Variants in LAMC1 observed in about 807,000 individuals in gnomAD.
LAMC1 encodes laminin subunit gamma 1, also known as laminin subunit gamma-1.
LAMC1 carries 38 observed loss-of-function variants against 173.6 expected under a neutral mutation model. The ratio of observed to expected loss-of-function variants is 0.22; its 90% CI spans 0.17 to 0.29. The LOEUF is 0.29. Among genes scored for constraint, LAMC1 ranks in the 10% least tolerant of loss-of-function variants. LAMC1 has a pLI of 1.00. For synonymous variants in LAMC1, 746 were observed against 749.1 expected, an observed-to-expected ratio of 1.00 and a Z score of 0.07; for missense variants, 1,824 against 2,051.8, an observed-to-expected ratio of 0.89 and a Z score of 2.14.
intron 1 of LAMC1, among the ~76,000 whole-genome samples, chr1:183,053,237 G>C (rs1446423604): frequency 2.0e-5 from 3 of 152,128 alleles, no homozygotes; most frequent in African/African-American, 7.2e-5. Context: ...ATTTTCCCCA[G>C]ATATTTTCGA....
At chr1:183,087,290 G>T (rs1002491236) in intron 1 of LAMC1, among the ~76,000 whole-genome samples, 22 of 152,126 alleles carry the variant, frequency 1.4e-4, no homozygotes, top group African/African-American at 5.1e-4. Flanking sequence ...CTTCTATTGG[G>T]TTGCTGCTTA....
chr1:183,122,763 G>A (rs1382853733), intron 13 of LAMC1, among the ~76,000 whole-genome samples: 1 of 152,160 alleles, frequency 6.6e-6, no homozygotes, highest in Non-Finnish European at 1.5e-5. Flanking sequence ...GGAGGAGGGT[G>A]AGGACAGAGT....
At chr1:183,032,570 G>A (rs1408914068) in intron 1 of LAMC1, among the ~76,000 whole-genome samples, 1 of 151,882 alleles carries the variant, frequency 6.6e-6, no homozygotes, top group African/African-American at 2.4e-5. Context: ...TGCCTAAGCT[G>A]GAAGTGCAGC....
chr1:183,046,904 C>T (rs551566307), intron 1 of LAMC1, among the ~76,000 whole-genome samples: 1 of 152,174 alleles, frequency 6.6e-6, no homozygotes, highest in Admixed American at 6.5e-5. Flanking sequence ...TAAAGTTTAT[C>T]TCTTTTATAA....
chr1:183,120,871 A>G (rs893482045), intron 11 of LAMC1, among the ~76,000 whole-genome samples: 24 of 152,246 alleles, frequency 1.6e-4, no homozygotes, highest in African/African-American at 5.8e-4. Flanking sequence ...GAGGGCAGAA[A>G]TTATGTAACC....
chr1:183,142,957 A>G lies in LAMC1; in HGVS notation c.*167A>G, dbSNP rs1482882485. 7.5e-6 allele frequency: 5 copies of G among 662,762 alleles called. No homozygotes were observed. Among genetic ancestry groups the G allele is most frequent in the Non-Finnish European group, 1.0e-5 (4 of 401,190 alleles). 41.1% of individuals were successfully genotyped at this position (662,762 alleles called of 1,614,324 possible). A position where few individuals can be genotyped will look rare whatever the true frequency, so the allele number is the denominator to read the frequency against. On this transcript the variant is annotated 3_prime_UTR_variant, in exon 28 of 28. Coordinates refer to ENST00000258341, the MANE Select transcript of LAMC1 (RefSeq NM_002293.4). ...CACAGAGTTTAAAGAGAAGCAAATTAAACATCCTGAATCGGGAACAAAGGG... is the reference window on the plus strand; with the variant it reads ...CACAGAGTTTAAAGAGAAGCAAATTGAACATCCTGAATCGGGAACAAAGGG...
At chr1:183,102,552 A>G (rs963308828) in intron 1 of LAMC1, among the ~76,000 whole-genome samples, 1 of 152,236 alleles carries the variant, frequency 6.6e-6, no homozygotes. Context: ...CTGGCAACCA[A>G]GCCATCCTGA....
intron 24 of LAMC1, among the ~76,000 whole-genome samples, 159 bp from the exon 25 acceptor site, chr1:183,136,227 G>A (rs921099119): frequency 1.3e-5 from 2 of 152,316 alleles, no homozygotes; most frequent in East Asian, 3.9e-4. Flanking sequence ...GACCTATTCT[G>A]TAGAGATGTG....
At chr1:183,034,893 A>G (rs1322593414) in intron 1 of LAMC1, among the ~76,000 whole-genome samples, 1 of 152,170 alleles carries the variant, frequency 6.6e-6, no homozygotes, top group African/African-American at 2.4e-5. Flanking sequence ...AGTCTTGAGA[A>G]CTATTGTTAG....
chr1:183,111,767 G>T (rs1221446575), intron 4 of LAMC1, among the ~76,000 whole-genome samples: 3 of 144,208 alleles, frequency 2.1e-5, no homozygotes, highest in African/African-American at 7.5e-5. Flanking sequence ...TGGGAACGGT[G>T]GCTAACGCCT....
intron 4 of LAMC1, among the ~76,000 whole-genome samples, chr1:183,114,270 C>G (rs557391639): frequency 2.0e-5 from 3 of 152,116 alleles, no homozygotes; most frequent in Non-Finnish European, 4.4e-5. Flanking sequence ...GGGGTTTCAC[C>G]GTGTTGGCCA....
chr1:183,025,296 T>A (rs573784554), intron 1 of LAMC1, among the ~76,000 whole-genome samples: 2 of 151,890 alleles, frequency 1.3e-5, no homozygotes, highest in Non-Finnish European at 2.9e-5. Context: ...CACTAAACTT[T>A]ATGTAAGTAT....
chr1:183,060,637 A>G (rs1335038411), intron 1 of LAMC1, among the ~76,000 whole-genome samples: 4 of 152,178 alleles, frequency 2.6e-5, no homozygotes, highest in African/African-American at 7.2e-5. Context: ...ACTCATAATT[A>G]TCATTACATT....
At position 183,079,964 on chromosome 1, in the gene LAMC1, A is replaced by G. The variant is rs573975975; in HGVS notation, c.419-23364A>G. Reference sequence around the variant, plus strand: ...AATGTCAAAAACGTGTTTTTTTTGGATGGGTGTGGTGGCTCATGCCTGTAA... The same window carrying G: ...AATGTCAAAAACGTGTTTTTTTTGGGTGGGTGTGGTGGCTCATGCCTGTAA... On this transcript the variant is annotated intron_variant, in intron 1 of 27. Coordinates refer to ENST00000258341, the MANE Select transcript of LAMC1 (RefSeq NM_002293.4). 2.5e-4 allele frequency among the ~76,000 whole-genome samples: 38 copies of G among 151,856 alleles called. No individual in the cohort carries two copies. In the South Asian group the frequency reaches 7.9e-3, roughly 32 times the overall value.
At chr1:183,125,325 T>G in intron 14 of LAMC1, 72 bp from the exon 15 acceptor site, 2 of 1,514,644 alleles carry the variant, frequency 1.3e-6, no homozygotes, top group Non-Finnish European at 1.8e-6. Context: ...AAGAATCTCT[T>G]TAGGTTGTTT....
intron 1 of LAMC1, among the ~76,000 whole-genome samples, chr1:183,101,504 A>G (rs924979317): frequency 1.3e-5 from 2 of 151,526 alleles, no homozygotes; most frequent in African/African-American, 4.9e-5. Flanking sequence ...AGGAACAGTC[A>G]GGTCCTTTTA....
rs1288051835 is a variant in LAMC1, at chr1:183,145,072, T to C, written c.*2282T>C. The C allele has an allele frequency of 6.6e-6, 1 of 152,182 alleles. No homozygotes were observed. The highest frequency in any genetic ancestry group is 1.5e-5 in the Non-Finnish European group (1 of 68,034). The allele number at this position is 152,182 out of a possible 1,614,324, so 9.4% of individuals were successfully genotyped here. A position where few individuals can be genotyped will look rare whatever the true frequency, so the allele number is the denominator to read the frequency against. On this transcript the variant is annotated 3_prime_UTR_variant, in exon 28 of 28. Transcript: ENST00000258341. ...TCCTAACATATGCATTTGGTCAAGGTTGCAGAAGAGGACTGAAGATTGACT... is the reference window on the plus strand; with the variant it reads ...TCCTAACATATGCATTTGGTCAAGGCTGCAGAAGAGGACTGAAGATTGACT...
chr1:183,102,084 T>G (rs1031768532), intron 1 of LAMC1, among the ~76,000 whole-genome samples: 1 of 151,954 alleles, frequency 6.6e-6, no homozygotes, highest in Non-Finnish European at 1.5e-5. Flanking sequence ...TTGCACTGAG[T>G]GCAGGAGAGG....
intron 1 of LAMC1, among the ~76,000 whole-genome samples, chr1:183,082,920 G>A (rs1388561251): frequency 1.3e-5 from 2 of 152,180 alleles, no homozygotes; most frequent in Non-Finnish European, 2.9e-5. Context: ...ACCATCATTT[G>A]TAATGTTGTG....
Sources: gnomAD v4.1 joint callset for allele counts (sites outside exome capture counted in the v4.1 genomes callset) on GRCh38, gnomAD v4.1.1 for gene constraint, MANE v1.5 for transcripts, NCBI Gene and HGNC (gene_info 2026-07-23, HGNC 2026-07-21) for gene names.